Variants in GRIA4 observed in about 807,000 individuals in gnomAD.
GRIA4 encodes the protein glutamate ionotropic receptor AMPA type subunit 4, also known as glutamate receptor 4.
Under a neutral mutation model 104.0 loss-of-function variants are expected in GRIA4, and 34 were observed. That is an observed-to-expected ratio of 0.33 (90% CI 0.25 to 0.44). GRIA4 has a LOEUF of 0.44. GRIA4 is among the 20% of genes least tolerant of loss of function. GRIA4 has a pLI of 1.00. For missense variants in GRIA4, 750 were observed against 1,096.5 expected (o/e 0.68, Z 4.46); for synonymous variants, 386 against 381.9 (o/e 1.01, Z -0.13).
At chr11:105,658,709 G>T (rs1188130495) in intron 3 of GRIA4, among the ~76,000 whole-genome samples, 2 of 151,912 alleles carry the variant, frequency 1.3e-5, no homozygotes, top group African/African-American at 4.8e-5. Context: ...AGGGATATAA[G>T]ACTCGGCTCT....
At chr11:105,626,207 C>T (rs1036680358) in intron 3 of GRIA4, among the ~76,000 whole-genome samples, 13 of 151,882 alleles carry the variant, frequency 8.6e-5, no homozygotes, top group South Asian at 6.2e-4. Context: ...ACATAAGGGC[C>T]GTGAAATCTT....
chr11:105,633,598 T>A (rs1451762308), intron 3 of GRIA4, among the ~76,000 whole-genome samples: 4 of 152,192 alleles, frequency 2.6e-5, no homozygotes, highest in Non-Finnish European at 5.9e-5. Flanking sequence ...CAAACTTATC[T>A]TCCATGACCA....
chr11:105,741,442 G>C (rs542644642), intron 3 of GRIA4, among the ~76,000 whole-genome samples: 1 of 152,240 alleles, frequency 6.6e-6, no homozygotes, highest in Non-Finnish European at 1.5e-5. Context: ...TGGATTAGAT[G>C]ATCTAAAGAA....
At chr11:105,862,651 T>C (rs1351854031) in intron 5 of GRIA4, 2 of 166,298 alleles carry the variant, frequency 1.2e-5, no homozygotes, top group East Asian at 1.8e-4. Context: ...AAAAGAAAAG[T>C]CAGTGGAATA....
chr11:105,626,644 T>C (rs771248652), intron 3 of GRIA4, among the ~76,000 whole-genome samples: 30 of 152,254 alleles, frequency 2.0e-4, no homozygotes, highest in Admixed American at 3.3e-4. Flanking sequence ...CAATATTTAG[T>C]TGGGGAATGG....
At chr11:105,887,694 CAT>C in intron 6 of GRIA4, 122 bp downstream of exon 6, 6 of 581,762 alleles carry the variant, frequency 1.0e-5, no homozygotes, top group Non-Finnish European at 1.5e-5. Context: ...TTTAATAACA[CAT>C]GATATTTTAT....
chr11:105,946,772 A>C (rs1330710578), intron 14 of GRIA4, among the ~76,000 whole-genome samples: 2 of 152,134 alleles, frequency 1.3e-5, no homozygotes, highest in Non-Finnish European at 2.9e-5. Context: ...GATTTTAGGA[A>C]AGTTTTAAGA....
At chr11:105,620,328 C>CATTATT (rs3989169) in intron 3 of GRIA4, among the ~76,000 whole-genome samples, 2 of 151,158 alleles carry the variant, frequency 1.3e-5, no homozygotes, top group Non-Finnish European at 3.0e-5. Context: ...CAGAAGTAGG[C>CATTATT]ATTATTATTA....
At chr11:105,903,729 T>C in intron 7 of GRIA4, 85 bp from the exon 8 acceptor site, 1 of 881,334 alleles carries the variant, frequency 1.1e-6, no homozygotes, top group Non-Finnish European at 1.9e-6. Flanking sequence ...GTGCTTTATG[T>C]CATAAACTTA....
chr11:105,705,524 C>G lies in GRIA4; in HGVS notation c.248-47457C>G, dbSNP rs150547024. Among the ~76,000 whole-genome samples the G allele has an allele frequency of 1.4e-4, 21 of 152,144 alleles. 1 individual carries two copies. In the East Asian group the frequency reaches 3.9e-3, roughly 28 times the overall value. On this transcript the variant is annotated intron_variant, in intron 3 of 16. Coordinates refer to ENST00000282499, the MANE Select transcript of GRIA4 (RefSeq NM_000829.4). Reference sequence around the variant, plus strand: ...GCAATGTGTAACACAAAGGAGTAATCTCCCCAGTACATAAAGAACACATAA... The same window carrying G: ...GCAATGTGTAACACAAAGGAGTAATGTCCCCAGTACATAAAGAACACATAA...
At chr11:105,869,232 GC>G (rs1945532335) in intron 5 of GRIA4, among the ~76,000 whole-genome samples, 1 of 152,118 alleles carries the variant, frequency 6.6e-6, no homozygotes, top group African/African-American at 2.4e-5. Context: ...GAATGCAAGT[GC>G]TTTTGTCTGG....
At position 105,910,448 on chromosome 11, in the gene GRIA4, A is replaced by G; in HGVS notation, c.1172A>G (p.Asn391Ser). The change falls in exon 10 of 17, where the codon AAT becomes AGT. Residue 391 changes from asparagine (N) to serine (S), a missense_variant. Asn to Ser is a conservative substitution (Grantham distance 46, BLOSUM62 1). Coordinates refer to ENST00000282499, the MANE Select transcript of GRIA4 (RefSeq NM_000829.4). Reference sequence around the variant, plus strand: ...TCTATTTGGCAGGTTGGTTACTGGAATGATATGGATAAGTTAGTCTTGATT... The same window carrying G: ...TCTATTTGGCAGGTTGGTTACTGGAGTGATATGGATAAGTTAGTCTTGATT... ...STGPRKVGYW[N>S]DMDKLVLIQD... 2 of 1,558,904 alleles carry G rather than the reference A, an allele frequency of 1.3e-6. No individual in the cohort carries two copies. The highest frequency in any genetic ancestry group is 1.8e-6 in the Non-Finnish European group (2 of 1,129,766).
At chr11:105,612,144 T>C in intron 2 of GRIA4, 132 bp from the exon 3 acceptor site, 3 of 746,324 alleles carry the variant, frequency 4.0e-6, no homozygotes, top group South Asian at 3.7e-5. Flanking sequence ...AAGGGCAGTC[T>C]CCCTAGATGT....
At chr11:105,780,121 A>T (rs1181211960) in intron 4 of GRIA4, among the ~76,000 whole-genome samples, 5 of 152,148 alleles carry the variant, frequency 3.3e-5, no homozygotes, top group Non-Finnish European at 7.4e-5. Context: ...CCACGCTTTT[A>T]AGCCCTATTT....
In GRIA4 at chr11:105,720,095, C is replaced by T. The variant is rs562487626; in HGVS notation, c.248-32886C>T. ...CAAGGGGTAAAAATGTGTCAATATG[C>T]CAACTTTGATCTCTAAACCAGTATT... On this transcript the variant is annotated intron_variant, in intron 3 of 16. Coordinates refer to ENST00000282499, the MANE Select transcript of GRIA4 (RefSeq NM_000829.4). 3.3e-5 allele frequency among the ~76,000 whole-genome samples: 5 copies of T among 151,684 alleles called. No individual in the cohort carries two copies. The East Asian group carries it at 9.7e-4, about 30-fold the overall frequency.
intron 5 of GRIA4, among the ~76,000 whole-genome samples, chr11:105,864,891 G>A (rs1178674468): frequency 1.3e-5 from 2 of 152,002 alleles, no homozygotes; most frequent in Admixed American, 6.6e-5. Context: ...ATTTCTAGAA[G>A]GATGGGCACA....
chr11:105,803,958 G>GA lies in GRIA4; in HGVS notation c.487+50746dup, dbSNP rs200001167. Among the ~76,000 whole-genome samples, 103 of 148,816 alleles carry GA rather than the reference G, an allele frequency of 6.9e-4. No homozygotes were observed. The East Asian group carries it at 0.015, about 21-fold the overall frequency. ...TTTACATTTGACCTTTCTTAGATTT[G>GA]AAAAAAAACAAAAGGTAAATTTGAA... On this transcript the variant is annotated intron_variant, in intron 4 of 16. Transcript: ENST00000282499.
Position 105,885,061 on chromosome 11 carries a change from C to T in GRIA4, c.673-2458C>T, listed in dbSNP as rs928633202. 1.2e-4 allele frequency among the ~76,000 whole-genome samples: 18 copies of T among 152,238 alleles called. No homozygotes were observed. The South Asian group carries it at 1.9e-3, about 16-fold the overall frequency. On this transcript the variant is annotated intron_variant, in intron 5 of 16. Transcript: ENST00000282499. ...TAGTGAATCAGCAAGAGATAAATAACGGATTGCTGAGTGGCAACAACCCCT... is the reference window on the plus strand; with the variant it reads ...TAGTGAATCAGCAAGAGATAAATAATGGATTGCTGAGTGGCAACAACCCCT...
chr11:105,781,472 TAC>T (rs1941724277), intron 4 of GRIA4, among the ~76,000 whole-genome samples: 1 of 152,194 alleles, frequency 6.6e-6, no homozygotes, highest in South Asian at 2.1e-4. Context: ...AACCATAAGT[TAC>T]GTTTCTACAT....
Sources: gnomAD v4.1 joint callset for allele counts (sites outside exome capture counted in the v4.1 genomes callset) on GRCh38, gnomAD v4.1.1 for gene constraint, MANE v1.5 for transcripts, NCBI Gene and HGNC (gene_info 2026-07-23, HGNC 2026-07-21) for gene names.